The following TNFRSF1B variants were observed in gnomAD, a reference collection of about 807,000 sequenced individuals.
TNFRSF1B encodes the protein tumor necrosis factor receptor superfamily member 1B.
Under a neutral mutation model 44.6 loss-of-function variants are expected in TNFRSF1B, and 19 were observed. The observed-to-expected ratio is 0.43, with a 90% CI of 0.30 to 0.62. The LOEUF (loss-of-function observed/expected upper bound fraction) is 0.62. Among genes scored for constraint, TNFRSF1B ranks in the 20% least tolerant of loss-of-function variants. The probability of loss-of-function intolerance (pLI) is 0.16; values close to 1 mark genes in which losing one functional copy is unlikely to be tolerated. For synonymous variants in TNFRSF1B, 252 were observed against 261.1 expected, an observed-to-expected ratio of 0.97 and a Z score of 0.34; for missense variants, 541 against 619.9, an observed-to-expected ratio of 0.87 and a Z score of 1.35.
At chr1:12,191,140 C>T (rs1229401552) in intron 3 of TNFRSF1B, 55 bp downstream of exon 3, 6 of 1,590,210 alleles carry the variant, frequency 3.8e-6, no homozygotes, top group East Asian at 4.5e-5. Context: ...CAACTTCCCC[C>T]GGCAACTCCA....
chr1:12,201,135 C>T (rs1202333096), intron 8 of TNFRSF1B, among the ~76,000 whole-genome samples: 1 of 151,932 alleles, frequency 6.6e-6, no homozygotes, highest in Non-Finnish European at 1.5e-5. Context: ...TGACACGTGC[C>T]TGTGGTCTCA....
Position 12,191,836 on chromosome 1 carries a change from T to G in TNFRSF1B, c.370T>G (p.Trp124Gly), listed in dbSNP as rs775628074. 2 of 1,613,106 alleles carry G rather than the reference T, an allele frequency of 1.2e-6. No homozygotes were observed. The highest frequency in any genetic ancestry group is 1.7e-6 in the Non-Finnish European group (2 of 1,179,776). ...QNRICTCRPG[W>G]YCALSKQEGC... ...CCGCATCTGCACCTGCAGGCCCGGC[T>G]GGTACTGCGCGCTGAGCAAGCAGGA... is the stretch of plus-strand genomic sequence containing the variant. Residue 124 changes from tryptophan to glycine, a missense_variant, in exon 4 of 10, where the codon TGG becomes GGG. Coordinates refer to ENST00000376259, the MANE Select transcript of TNFRSF1B (RefSeq NM_001066.3).
chr1:12,190,514 C>T (rs957132112), intron 2 of TNFRSF1B, among the ~76,000 whole-genome samples: 2 of 148,876 alleles, frequency 1.3e-5, no homozygotes, highest in South Asian at 2.1e-4. Context: ...TTAAGGTTTC[C>T]GTTGGTGTTC....
At chr1:12,201,486 A>AAG (rs57704753) in intron 8 of TNFRSF1B, among the ~76,000 whole-genome samples, 7 of 149,642 alleles carry the variant, frequency 4.7e-5, no homozygotes, top group African/African-American at 1.5e-4. Flanking sequence ...AAAAAAAAAA[A>AAG]GGCACAGAGA....
chr1:12,203,529 G>A (rs17883933), intron 9 of TNFRSF1B, among the ~76,000 whole-genome samples: 2,237 of 152,178 alleles, frequency 0.015, 56 homozygotes, highest in African/African-American at 0.051. Flanking sequence ...ATTTCTGTCT[G>A]CCCCATCATA....
At position 12,193,863 on chromosome 1, in the gene TNFRSF1B, C is replaced by G. The variant is rs980147628; in HGVS notation, c.788-92C>G. 55 of 963,762 alleles carry G rather than the reference C, an allele frequency of 5.7e-5. 1 individual carries two copies. The South Asian group carries it at 5.9e-4, about 10-fold the overall frequency. The allele number at this position is 963,762 out of a possible 1,614,324, so 59.7% of individuals were successfully genotyped here. A position where few individuals can be genotyped will look rare whatever the true frequency, so the allele number is the denominator to read the frequency against. ...GACTCGCCCCTCATTTGCAATGACC[C>G]GAAGCACCTTGGGTCCCTGGCTTGC... is the stretch of plus-strand genomic sequence containing the variant. On this transcript the variant is annotated intron_variant, in intron 6 of 9. Coordinates refer to ENST00000376259, the MANE Select transcript of TNFRSF1B (RefSeq NM_001066.3).
Position 12,174,160 on chromosome 1 carries a change from T to TTCTCCTTCTCCTTCTC in TNFRSF1B, c.78+6991_78+6992insTCTCCTTCTCCTTCTC, listed in dbSNP as rs1638590812. On this transcript the variant is annotated intron_variant, in intron 1 of 9. Coordinates refer to ENST00000376259, the MANE Select transcript of TNFRSF1B (RefSeq NM_001066.3). ...TTCTTCTTCTTCTTCTTCTTCTTCT[T>TTCTCCTTCTCCTTCTC]CTTCTCCTTCTCCTTCTCCTTCTCC... Among the ~76,000 whole-genome samples the TTCTCCTTCTCCTTCTC allele has an allele frequency of 1.6e-4, 11 of 67,918 alleles. 1 individual carries two copies. Among genetic ancestry groups the TTCTCCTTCTCCTTCTC allele is most frequent in the Middle Eastern group, 6.3e-3 (1 of 160 alleles). 44.6% of individuals were successfully genotyped at this position (67,918 alleles called of 152,430 possible).
intron 2 of TNFRSF1B, among the ~76,000 whole-genome samples, chr1:12,189,946 G>C (rs1337019804): frequency 6.6e-6 from 1 of 152,250 alleles, no homozygotes; most frequent in Non-Finnish European, 1.5e-5. Flanking sequence ...TGTTTGGTGA[G>C]TTGGAGGAAC....
In TNFRSF1B at chr1:12,188,849, A is replaced by C. The variant is rs779781521; in HGVS notation, c.132A>C (p.Glu44Asp). The C allele has an allele frequency of 4.3e-6, 7 of 1,613,710 alleles. No homozygotes were observed. The South Asian group carries it at 6.6e-5, about 15-fold the overall frequency. The change falls in exon 2 of 10, where the codon GAA becomes GAC. Residue 44 changes from glutamate to aspartate, a missense_variant. By Grantham distance (45) the Glu-to-Asp change is conservative. Transcript: ENST00000376259. ...PEPGSTCRLREYYDQTAQMCC... is the reference protein window; with the variant it reads ...PEPGSTCRLRDYYDQTAQMCC... ...CCGGGAGCACATGCCGGCTCAGAGA[A>C]TACTATGACCAGACAGCTCAGATGT...
intron 9 of TNFRSF1B, among the ~76,000 whole-genome samples, chr1:12,204,462 G>A (rs368475540): frequency 1.4e-4 from 21 of 152,292 alleles, no homozygotes; most frequent in Admixed American, 6.5e-4. Context: ...TACCCTATCC[G>A]AGTAGTTGGA....
In TNFRSF1B at chr1:12,202,134, T is replaced by C. The variant is rs1156256882; in HGVS notation, c.1068T>C (p.Ser356=). The C allele has an allele frequency of 3.8e-6, 6 of 1,559,106 alleles. 1 individual carries two copies. The South Asian group carries it at 7.1e-5, about 18-fold the overall frequency. ...NQPQAPGVEA[S]GAGEARASTG... ...CACAGGCACCAGGCGTGGAGGCCAG[T>C]GGGGCCGGGGAGGCCCGGGCCAGCA... Residue 356 remains serine (S), a synonymous_variant, in exon 9 of 10, where the codon AGT becomes AGC. Coordinates refer to ENST00000376259, the MANE Select transcript of TNFRSF1B (RefSeq NM_001066.3).
rs113097991 is a variant in TNFRSF1B at position 12,177,794 on chromosome 1, CA to C, written c.78+10641del. 0.075 allele frequency among the ~76,000 whole-genome samples: 8,332 copies of C among 111,258 alleles called. 409 individuals are homozygous for C. The highest frequency in any genetic ancestry group is 0.19 in the African/African-American group (5,791 of 30,268). The allele number at this position is 111,258 out of a possible 152,430, so 73.0% of individuals were successfully genotyped here. On this transcript the variant is annotated intron_variant, in intron 1 of 9. Coordinates refer to ENST00000376259, the MANE Select transcript of TNFRSF1B (RefSeq NM_001066.3). The surrounding 1 kb of genome is among the most constrained non-coding windows in gnomAD (Gnocchi z 4.3). ...GGGTGACAGGGTGAGATTCTGTCTC[CA>C]AAAAAAAAAAAAAAAGAAGAGCTGA...
At chr1:12,194,933 G>A (rs1361985497) in intron 8 of TNFRSF1B, among the ~76,000 whole-genome samples, 1 of 152,260 alleles carries the variant, frequency 6.6e-6, no homozygotes, top group Non-Finnish European at 1.5e-5. Context: ...ATGAGATGGG[G>A]GTTGTGTCTG....
Position 12,178,681 on chromosome 1 carries a change from G to A in TNFRSF1B, c.79-10115G>A, listed in dbSNP as rs17879922. Among the ~76,000 whole-genome samples, 26 of 152,288 alleles carry A rather than the reference G, an allele frequency of 1.7e-4. No individual in the cohort carries two copies. The highest frequency in any genetic ancestry group is 6.3e-4 in the African/African-American group (26 of 41,556). On this transcript the variant is annotated intron_variant, in intron 1 of 9. Transcript: ENST00000376259. This position sits in a 1 kb window ranked among gnomAD's most constrained non-coding sequence, Gnocchi z 4.3. ...CTGAGAAGTCAGCACTGCCAGGTCG[G>A]GGGTGGCGGGTCAGGACGTTTGGGC...
chr1:12,206,703 C>T, intron 9 of TNFRSF1B, 37 bp from the exon 10 acceptor site: 2 of 1,534,402 alleles, frequency 1.3e-6, no homozygotes, highest in Non-Finnish European at 1.8e-6. Context: ...ACTCCTGGAC[C>T]CCCGGACTGA....
intron 9 of TNFRSF1B, 30 bp from the exon 10 acceptor site, chr1:12,206,710 C>G (rs755122734): frequency 2.0e-6 from 3 of 1,536,318 alleles, no homozygotes; most frequent in Non-Finnish European, 2.6e-6. Flanking sequence ...GACCCCCGGA[C>G]TGACCCCCAC....
In TNFRSF1B at chr1:12,168,104, G is replaced by T. The variant is rs1325870238; in HGVS notation, c.78+935G>T. Among the ~76,000 whole-genome samples, 1 of 152,218 alleles carries T rather than the reference G, an allele frequency of 6.6e-6. No individual in the cohort carries two copies. Among genetic ancestry groups the T allele is most frequent in the African/African-American group, 2.4e-5 (1 of 41,460 alleles). The stretch of plus-strand genomic sequence containing the variant: ...GAGGCTCAGAGAACTTGTATTTCAT[G>T]GAAGGGTCTGGGGGGAACTCTTCCT... On this transcript the variant is annotated intron_variant, in intron 1 of 9. Transcript: ENST00000376259. This position sits in a 1 kb window ranked among gnomAD's most constrained non-coding sequence, Gnocchi z 4.7.
In TNFRSF1B at chr1:12,192,853, C is replaced by A; in HGVS notation, c.552-10C>A. On this transcript the variant is annotated splice_polypyrimidine_tract_variant and intron_variant, in intron 5 of 9. Transcript: ENST00000376259. ...CTGCTGCCTCCTGACCAAGCCTCCT[C>A]CTCCTCCAGCTGTAACGTGGTGGCC... 2 of 1,610,226 alleles carry A rather than the reference C, an allele frequency of 1.2e-6. No homozygotes were observed. Among genetic ancestry groups the A allele is most frequent in the South Asian group, 1.1e-5 (1 of 90,732 alleles).
At chr1:12,167,969 C>T (rs1638434078) in intron 1 of TNFRSF1B, among the ~76,000 whole-genome samples, 1 of 152,238 alleles carries the variant, frequency 6.6e-6, no homozygotes, top group African/African-American at 2.4e-5. Context: ...GCACCCTTTG[C>T]CTGTTTTTGA....
Sources: gnomAD v4.1 joint callset for allele counts (sites outside exome capture counted in the v4.1 genomes callset) on GRCh38, gnomAD v4.1.1 for gene constraint, Gnocchi (gnomAD v3.1) non-coding constraint, MANE v1.5 for transcripts, NCBI Gene and HGNC (gene_info 2026-07-23, HGNC 2026-07-21) for gene names.